Variants in TMEM232 observed in about 807,000 individuals in gnomAD.
The protein encoded by TMEM232 is transmembrane protein 232.
TMEM232 carries 80 observed loss-of-function variants against 78.8 expected under a neutral mutation model. The ratio of observed to expected loss-of-function variants is 1.01; its 90% CI spans 0.85 to 1.22. The LOEUF (loss-of-function observed/expected upper bound fraction) is 1.22, where lower values mean the gene tolerates loss of function less well. Ranked by LOEUF, TMEM232 falls within the 50% of genes most tolerant of loss-of-function variation. The probability of loss-of-function intolerance (pLI) is 0.00; values close to 1 mark genes in which losing one functional copy is unlikely to be tolerated. For synonymous variants in TMEM232, 297 were observed against 254.3 expected, an observed-to-expected ratio of 1.17 and a Z score of -1.60; for missense variants, 881 against 742.2, an observed-to-expected ratio of 1.19 and a Z score of -2.17.
intron 8 of TMEM232, among the ~76,000 whole-genome samples, chr5:110,617,720 C>G (rs1235306552): frequency 6.6e-6 from 1 of 151,940 alleles, no homozygotes; most frequent in East Asian, 1.9e-4. Flanking sequence ...CTTTGGGAGG[C>G]CGAGGTAGGC....
intron 12 of TMEM232, among the ~76,000 whole-genome samples, chr5:110,438,103 G>A (rs573089626): frequency 1.3e-5 from 2 of 152,096 alleles, no homozygotes; most frequent in South Asian, 4.2e-4. Context: ...CACAGGCTGG[G>A]GACACCAAGG....
intron 10 of TMEM232, among the ~76,000 whole-genome samples, chr5:110,585,094 C>T (rs150809082): frequency 2.0e-5 from 3 of 152,190 alleles, no homozygotes; most frequent in Non-Finnish European, 2.9e-5. Context: ...GGACGATTCC[C>T]ATAAGATTCC....
chr5:110,529,080 G>A (rs1029839260), intron 11 of TMEM232, among the ~76,000 whole-genome samples: 26 of 151,906 alleles, frequency 1.7e-4, no homozygotes, highest in African/African-American at 4.1e-4. Flanking sequence ...AATTTAGTTA[G>A]GTAATTTTTA....
chr5:110,494,017 G>A (rs1227115839), intron 12 of TMEM232, among the ~76,000 whole-genome samples: 1 of 151,986 alleles, frequency 6.6e-6, no homozygotes, highest in Admixed American at 6.6e-5. Context: ...AACATGCGGT[G>A]TTGGTTTTCT....
chr5:110,600,367 T>C (rs1367069672), intron 10 of TMEM232, among the ~76,000 whole-genome samples: 1 of 151,898 alleles, frequency 6.6e-6, no homozygotes, highest in Non-Finnish European at 1.5e-5. Flanking sequence ...AATCAATGAA[T>C]CCAGGAGCTG....
At chr5:110,726,240 C>G (rs375497169) in intron 1 of TMEM232, among the ~76,000 whole-genome samples, 2 of 151,944 alleles carry the variant, frequency 1.3e-5, no homozygotes, top group South Asian at 4.1e-4. Context: ...TTTCACCAAC[C>G]ACAGAGGATG....
chr5:110,651,393 A>C (rs1399138148), intron 2 of TMEM232, among the ~76,000 whole-genome samples: 4 of 151,826 alleles, frequency 2.6e-5, no homozygotes, highest in Non-Finnish European at 2.9e-5. Context: ...AGACAAAGAA[A>C]ACAAAAGACT....
chr5:110,502,150 G>T (rs998538401), intron 12 of TMEM232, among the ~76,000 whole-genome samples: 3 of 152,150 alleles, frequency 2.0e-5, no homozygotes, highest in Non-Finnish European at 4.4e-5. Flanking sequence ...TTTTAGGAAT[G>T]TTGTAATTTA....
At chr5:110,399,072 G>T in intron 2 of TMEM232, among the ~76,000 whole-genome samples, 1 of 151,856 alleles carries the variant, frequency 6.6e-6, no homozygotes, top group South Asian at 2.1e-4. Flanking sequence ...CCCTTTCTGC[G>T]CAAAGTAGCA....
In TMEM232 at chr5:110,605,400, T is replaced by C. The variant is rs967042213; in HGVS notation, c.1027-42A>G. ...GATATTTGATCATCAAAGTATATCT[T>C]TGCATATCAATAACTACACAGTGTA... On this transcript the variant is annotated intron_variant, in intron 9 of 13. Coordinates refer to ENST00000455884, the MANE Select transcript of TMEM232 (RefSeq NM_001039763.4). 4.0e-6 allele frequency: 6 copies of C among 1,513,854 alleles called. No individual in the cohort carries two copies. The African/African-American group carries it at 5.6e-5, about 14-fold the overall frequency. The allele number at this position is 1,513,854 out of a possible 1,614,324, so 93.8% of individuals were successfully genotyped here. A position where few individuals can be genotyped will look rare whatever the true frequency, so the allele number is the denominator to read the frequency against.
At chr5:110,675,586 G>A (rs1791925405) in intron 1 of TMEM232, among the ~76,000 whole-genome samples, 1 of 152,104 alleles carries the variant, frequency 6.6e-6, no homozygotes, top group South Asian at 2.1e-4. Flanking sequence ...TTCTTTACCA[G>A]AGCCTCCAGG....
chr5:110,676,981 G>T (rs982182004), intron 1 of TMEM232, among the ~76,000 whole-genome samples: 2 of 151,916 alleles, frequency 1.3e-5, no homozygotes, highest in African/African-American at 4.8e-5. Context: ...GGCTGGTCTT[G>T]AACTCCTGAA....
chr5:110,434,681 T>C (rs951500647), intron 12 of TMEM232, among the ~76,000 whole-genome samples: 1 of 152,072 alleles, frequency 6.6e-6, no homozygotes, highest in Non-Finnish European at 1.5e-5. Context: ...ATATCTCTGA[T>C]GAACATAGAT....
intron 12 of TMEM232, among the ~76,000 whole-genome samples, chr5:110,463,607 T>C (rs945842686): frequency 2.0e-5 from 3 of 152,224 alleles, no homozygotes; most frequent in Admixed American, 6.5e-5. Context: ...TCTTCTTTTC[T>C]CATTCAAAAC....
At chr5:110,714,247 C>G (rs1796791707) in intron 1 of TMEM232, among the ~76,000 whole-genome samples, 1 of 152,166 alleles carries the variant, frequency 6.6e-6, no homozygotes, top group South Asian at 2.1e-4. Flanking sequence ...CCTTGTCCAT[C>G]AGATAAAACA....
At chr5:110,652,044 A>G (rs556865980) in intron 2 of TMEM232, among the ~76,000 whole-genome samples, 27 of 152,178 alleles carry the variant, frequency 1.8e-4, no homozygotes, top group Admixed American at 5.9e-4. Flanking sequence ...ACAAGAAGAA[A>G]TAGGAGGCTG....
chr5:110,718,158 C>T (rs866025157), intron 1 of TMEM232, among the ~76,000 whole-genome samples: 3 of 151,990 alleles, frequency 2.0e-5, no homozygotes, highest in African/African-American at 7.2e-5. Flanking sequence ...TATTTGTTTG[C>T]AAATATGTTT....
chr5:110,621,077 G>C (rs1783687359), intron 7 of TMEM232, among the ~76,000 whole-genome samples: 1 of 151,646 alleles, frequency 6.6e-6, no homozygotes, highest in South Asian at 2.1e-4. Context: ...TGGTCAGTCT[G>C]GTCTCGAACT....
chr5:110,630,496 T>C (rs190572825), intron 5 of TMEM232, among the ~76,000 whole-genome samples: 1 of 152,184 alleles, frequency 6.6e-6, no homozygotes, highest in Admixed American at 6.5e-5. Flanking sequence ...ATCACGGAGG[T>C]GGACTTCTCC....
Sources: gnomAD v4.1 joint callset for allele counts (sites outside exome capture counted in the v4.1 genomes callset) on GRCh38, gnomAD v4.1.1 for gene constraint, MANE v1.5 for transcripts, NCBI Gene and HGNC (gene_info 2026-07-23, HGNC 2026-07-21) for gene names.